GPR158: variants seen among roughly 807,000 people sequenced by gnomAD.
GPR158 encodes metabotropic glycine receptor.
In GPR158, 30 loss-of-function variants were observed where a neutral mutation model predicts 78.2. The observed-to-expected ratio is 0.38, with a 90% CI of 0.29 to 0.52. The LOEUF (loss-of-function observed/expected upper bound fraction) is 0.52, where lower values mean the gene tolerates loss of function less well. Ranked by LOEUF, GPR158 falls within the 20% of genes least tolerant of loss-of-function variation. The pLI, the probability that GPR158 is intolerant of heterozygous loss-of-function variation, is 0.83. For missense variants in GPR158, 1,463 were observed against 1,523.5 expected (o/e 0.96, Z 0.66); for synonymous variants, 581 against 591.1 (o/e 0.98, Z 0.25).
intron 4 of GPR158, among the ~76,000 whole-genome samples, chr10:25,432,013 TAA>T (rs66505370): frequency 2.7e-5 from 4 of 150,478 alleles, no homozygotes; most frequent in African/African-American, 7.4e-5. Flanking sequence ...AATAATAAAA[TAA>T]AAAAAAATGC....
intron 2 of GPR158, among the ~76,000 whole-genome samples, chr10:25,395,111 T>C (rs901535881): frequency 6.6e-6 from 1 of 152,170 alleles, no homozygotes. Context: ...TGTAATTAAA[T>C]GTAGCAAAAA....
intron 2 of GPR158, among the ~76,000 whole-genome samples, chr10:25,271,958 G>T (rs1854123845): frequency 1.3e-5 from 2 of 152,218 alleles, no homozygotes; most frequent in Admixed American, 1.3e-4. Flanking sequence ...ATATTATTAT[G>T]ATTTCTTTGT....
rs2130758628 is a variant in GPR158 at position 25,599,475 on chromosome 10, G to T, written c.*201G>T. 5.4e-6 allele frequency: 3 copies of T among 560,048 alleles called. No individual in the cohort carries two copies. In the East Asian group the frequency reaches 8.8e-5, roughly 16 times the overall value. The allele number at this position is 560,048 out of a possible 1,614,324, so 34.7% of individuals were successfully genotyped here. On this transcript the variant is annotated 3_prime_UTR_variant, in exon 11 of 11. Transcript: ENST00000376351. ...AATGGAGAAGTCAGACTTTGGTCAA[G>T]AAAGTCCTTCCCTTGGTAACACTAG... is the stretch of plus-strand genomic sequence containing the variant.
intron 5 of GPR158, among the ~76,000 whole-genome samples, chr10:25,493,953 A>T (rs2130650476): frequency 6.6e-6 from 1 of 152,348 alleles, no homozygotes; most frequent in East Asian, 1.9e-4. Flanking sequence ...TAAATCAATA[A>T]TAAATGACTC....
chr10:25,418,638 CAAAG>C lies in GPR158; in HGVS notation c.1335+6167_1335+6170del, dbSNP rs561842953. 9.7e-3 allele frequency among the ~76,000 whole-genome samples: 1,443 copies of C among 149,212 alleles called. 12 individuals are homozygous for C. The highest frequency in any genetic ancestry group is 0.057 in the Middle Eastern group (16 of 280). On this transcript the variant is annotated intron_variant, in intron 4 of 10. Coordinates refer to ENST00000376351, the MANE Select transcript of GPR158 (RefSeq NM_020752.3). ...AGTAACATTTTTCTATTCGTGATCT[CAAAG>C]AGAGAGTATGGTTCCTTACAGCTTA...
intron 2 of GPR158, among the ~76,000 whole-genome samples, chr10:25,327,551 G>A (rs933376166): frequency 3.8e-5 from 2 of 52,302 alleles, no homozygotes; most frequent in Admixed American, 1.2e-4. Flanking sequence ...CAGCTCTCAC[G>A]TGAGATAAAG....
At chr10:25,495,659 T>C (rs3005181) in intron 5 of GPR158, among the ~76,000 whole-genome samples, 75,642 of 151,702 alleles carry the variant, frequency 0.5, 19,430 homozygotes, top group East Asian at 0.79. Context: ...CAAATGATGA[T>C]GAGTGGTATG....
chr10:25,181,804 A>T (rs1852613207), intron 1 of GPR158, among the ~76,000 whole-genome samples: 1 of 151,934 alleles, frequency 6.6e-6, no homozygotes, highest in Non-Finnish European at 1.5e-5. Context: ...TGCATCCTCA[A>T]CCTCCCAGGC....
intron 2 of GPR158, among the ~76,000 whole-genome samples, chr10:25,318,527 T>A (rs1206098236): frequency 6.6e-6 from 1 of 152,156 alleles, no homozygotes; most frequent in Admixed American, 6.5e-5. Flanking sequence ...TGGCTTCTTG[T>A]CTTTCAAGGC....
intron 2 of GPR158, among the ~76,000 whole-genome samples, chr10:25,315,296 A>G (rs1854831993): frequency 6.6e-6 from 1 of 152,002 alleles, no homozygotes; most frequent in African/African-American, 2.4e-5. Flanking sequence ...TGCTGTGTTA[A>G]TTGGTGCATG....
At chr10:25,204,304 T>G (rs1434662010) in intron 1 of GPR158, among the ~76,000 whole-genome samples, 2 of 152,148 alleles carry the variant, frequency 1.3e-5, no homozygotes, top group East Asian at 3.9e-4. Context: ...AATAGGAGTG[T>G]TGAGAGAAAG....
chr10:25,319,908 T>G (rs2130476706), intron 2 of GPR158, among the ~76,000 whole-genome samples: 1 of 151,200 alleles, frequency 6.6e-6, no homozygotes, highest in Non-Finnish European at 1.5e-5. Context: ...CAGGGCCCCT[T>G]GCCTCATTGT....
At chr10:25,388,222 G>A (rs74126023) in intron 2 of GPR158, among the ~76,000 whole-genome samples, 8,344 of 152,266 alleles carry the variant, frequency 0.055, 507 homozygotes, top group African/African-American at 0.15. Context: ...GACGGCAATC[G>A]TGGGCCATCC....
intron 5 of GPR158, among the ~76,000 whole-genome samples, chr10:25,511,958 G>A (rs1043567737): frequency 2.6e-5 from 4 of 151,938 alleles, no homozygotes; most frequent in Admixed American, 2.0e-4. Flanking sequence ...GGTTGAAGTC[G>A]GGTAATGTGA....
intron 2 of GPR158, among the ~76,000 whole-genome samples, chr10:25,281,906 A>G (rs1018479214): frequency 5.3e-5 from 8 of 152,240 alleles, no homozygotes; most frequent in African/African-American, 1.9e-4. Flanking sequence ...ATACCAGTGT[A>G]GACATAGAAA....
intron 2 of GPR158, among the ~76,000 whole-genome samples, chr10:25,263,332 G>C (rs1020288108): frequency 2.0e-5 from 3 of 152,090 alleles, no homozygotes; most frequent in African/African-American, 7.2e-5. Flanking sequence ...TCAAAGTTCA[G>C]TTGACTGTAT....
chr10:25,252,215 C>T (rs1036500066), intron 2 of GPR158, among the ~76,000 whole-genome samples: 11 of 150,718 alleles, frequency 7.3e-5, no homozygotes, highest in Non-Finnish European at 1.5e-4. Flanking sequence ...ATACATTCTT[C>T]TAAATTTTTT....
At chr10:25,273,906 C>T (rs1054758236) in intron 2 of GPR158, among the ~76,000 whole-genome samples, 10 of 152,100 alleles carry the variant, frequency 6.6e-5, no homozygotes, top group African/African-American at 2.4e-4. Context: ...TCTCAAACTC[C>T]TGGACTAGTG....
chr10:25,426,848 T>A (rs1834831322), intron 4 of GPR158, among the ~76,000 whole-genome samples: 1 of 152,094 alleles, frequency 6.6e-6, no homozygotes, highest in Non-Finnish European at 1.5e-5. Context: ...AAACCTTTAA[T>A]TTATAAACAA....
Sources: allele counts gnomAD v4.1 joint callset (sites outside exome capture counted in the v4.1 genomes callset), GRCh38; gene constraint gnomAD v4.1.1; transcripts MANE v1.5; gene names NCBI Gene and HGNC (gene_info 2026-07-23, HGNC 2026-07-21).